Variants in CHRM2 observed in about 807,000 individuals in gnomAD.
CHRM2 encodes cholinergic receptor muscarinic 2.
Under a neutral mutation model 25.0 loss-of-function variants are expected in CHRM2, and 8 were observed. The observed-to-expected ratio is 0.32, with a 90% CI of 0.19 to 0.58. The LOEUF is 0.58. CHRM2 is among the 20% of genes least tolerant of loss of function. CHRM2 has a pLI of 0.88. For synonymous variants in CHRM2, 202 were observed against 205.7 expected (o/e 0.98, Z 0.15); for missense variants, 440 against 567.1 (o/e 0.78, Z 2.28).
Position 137,001,661 on chromosome 7 carries a change from T to G in CHRM2, c.-47+9397T>G, listed in dbSNP as rs148591818. Among the ~76,000 whole-genome samples, 110 of 152,254 alleles carry G rather than the reference T, an allele frequency of 7.2e-4. No individual in the cohort carries two copies. In the Middle Eastern group the frequency reaches 0.017, roughly 24 times the overall value. ...TGGAGAGGGCCTTCTCAGCAGGTTG[T>G]GGGGGGCTATCTCATCACCAAAGGA... On this transcript the variant is annotated intron_variant, in intron 3 of 3. Transcript: ENST00000680005.
rs147230678 is a variant in CHRM2, at chr7:136,989,068, A to C, written c.-124-3119A>C. ...AAATTAAAGCTTTAGAGGTTTTATAACTTGCTAAAAGTCACATCAAAAGTG... is the reference window on the plus strand; with the variant it reads ...AAATTAAAGCTTTAGAGGTTTTATACCTTGCTAAAAGTCACATCAAAAGTG... On this transcript the variant is annotated intron_variant, in intron 2 of 3. Transcript: ENST00000680005. 2.4e-3 allele frequency among the ~76,000 whole-genome samples: 369 copies of C among 152,158 alleles called. 5 individuals are homozygous for C. The highest frequency in any genetic ancestry group is 8.3e-3 in the African/African-American group (345 of 41,546).
intron 2 of CHRM2, chr7:136,902,956 C>T (rs982713936): frequency 3.4e-5 from 12 of 356,278 alleles, no homozygotes; most frequent in African/African-American, 2.6e-4. Flanking sequence ...TTTTCATTAT[C>T]AAACAAACAA....
At chr7:136,985,174 C>T (rs1802765030) in intron 2 of CHRM2, among the ~76,000 whole-genome samples, 1 of 152,058 alleles carries the variant, frequency 6.6e-6, no homozygotes, top group African/African-American at 2.4e-5. Flanking sequence ...ATATGCATTC[C>T]AGCCATATTA....
Position 136,906,208 on chromosome 7 carries a change from C to A in CHRM2, c.-125+36790C>A, listed in dbSNP as rs192551695. Among the ~76,000 whole-genome samples, 3 of 149,020 alleles carry A rather than the reference C, an allele frequency of 2.0e-5. No homozygotes were observed. The Admixed American group carries it at 2.0e-4, about 10-fold the overall frequency. On this transcript the variant is annotated intron_variant, in intron 2 of 3. Coordinates refer to ENST00000680005, the MANE Select transcript of CHRM2 (RefSeq NM_001006630.2). ...GTATGTATATACGTATATATATATA[C>A]GCACACATATATATGGTTTGTATGT...
intron 2 of CHRM2, among the ~76,000 whole-genome samples, chr7:136,934,859 CAA>C (rs34883311): frequency 0.25 from 36,277 of 146,448 alleles, 5,615 homozygotes; most frequent in Non-Finnish European, 0.35. Flanking sequence ...TGAAAATAAC[CAA>C]AAAAAAAAAT....
At chr7:136,993,708 AG>A (rs1407977823) in intron 3 of CHRM2, among the ~76,000 whole-genome samples, 9 of 152,196 alleles carry the variant, frequency 5.9e-5, no homozygotes, top group Non-Finnish European at 8.8e-5. Context: ...AGTAAAGAAA[AG>A]CTTTTACATA....
intron 2 of CHRM2, among the ~76,000 whole-genome samples, chr7:136,985,930 T>C (rs1466230643): frequency 3.3e-5 from 5 of 152,168 alleles, no homozygotes. Context: ...GCAAACAAAA[T>C]CTTCTAATAG....
At chr7:136,953,777 A>G (rs1380575444) in intron 2 of CHRM2, among the ~76,000 whole-genome samples, 2 of 152,208 alleles carry the variant, frequency 1.3e-5, no homozygotes, top group East Asian at 3.9e-4. Context: ...GCACAACAGG[A>G]GAAGGCAATG....
At chr7:136,936,621 G>A (rs1298622470) in intron 2 of CHRM2, among the ~76,000 whole-genome samples, 1 of 152,114 alleles carries the variant, frequency 6.6e-6, no homozygotes, top group Non-Finnish European at 1.5e-5. Context: ...TCTGAGTTTT[G>A]TATATGCTTA....
intron 2 of CHRM2, among the ~76,000 whole-genome samples, chr7:136,916,793 A>G (rs1372878231): frequency 1.3e-5 from 2 of 151,554 alleles, no homozygotes; most frequent in Admixed American, 6.6e-5. Context: ...AAAATTTAGT[A>G]TTGGGAACAT....
chr7:136,963,740 G>A (rs1801240460), intron 2 of CHRM2, among the ~76,000 whole-genome samples: 1 of 152,090 alleles, frequency 6.6e-6, no homozygotes. Context: ...AGGTCCCACT[G>A]TGGAGCATTT....
At chr7:136,958,636 C>G (rs751295768) in intron 2 of CHRM2, among the ~76,000 whole-genome samples, 8 of 151,432 alleles carry the variant, frequency 5.3e-5, no homozygotes, top group Non-Finnish European at 1.0e-4. Flanking sequence ...TTTGTATTTT[C>G]TATAGAGATG....
At chr7:136,965,735 G>C (rs1055234514) in intron 2 of CHRM2, among the ~76,000 whole-genome samples, 1 of 151,972 alleles carries the variant, frequency 6.6e-6, no homozygotes, top group Non-Finnish European at 1.5e-5. Context: ...CCAGTGGTTG[G>C]CTGCAAAAGC....
rs1799981760 is a variant in CHRM2, at chr7:136,944,891, CACCACATCCAT to C, written c.-124-47291_-124-47281del. On this transcript the variant is annotated intron_variant, in intron 2 of 3. Coordinates refer to ENST00000680005, the MANE Select transcript of CHRM2 (RefSeq NM_001006630.2). ...ACCAGCAGTGTAAAAGTTTTCTTTTCACCACATCCATACCAACATCTTTTTTTTACCTTTTT... is the reference window on the plus strand; with the variant it reads ...ACCAGCAGTGTAAAAGTTTTCTTTTCACCAACATCTTTTTTTTACCTTTTT... Among the ~76,000 whole-genome samples, 4 of 152,110 alleles carry C rather than the reference CACCACATCCAT, an allele frequency of 2.6e-5. No individual in the cohort carries two copies. The South Asian group carries it at 8.3e-4, about 32-fold the overall frequency.
At chr7:136,963,409 A>G (rs1801219482) in intron 2 of CHRM2, among the ~76,000 whole-genome samples, 1 of 152,206 alleles carries the variant, frequency 6.6e-6, no homozygotes, top group African/African-American at 2.4e-5. Flanking sequence ...AAATCAAAGC[A>G]GTAAAGCACT....
intron 2 of CHRM2, among the ~76,000 whole-genome samples, chr7:136,921,367 C>A (rs1263352705): frequency 6.6e-6 from 1 of 152,120 alleles, no homozygotes; most frequent in Non-Finnish European, 1.5e-5. Context: ...TTTCAATCAT[C>A]CAAACCCGGA....
chr7:136,915,348 G>A (rs1032372453), intron 2 of CHRM2, among the ~76,000 whole-genome samples: 5 of 151,810 alleles, frequency 3.3e-5, no homozygotes, highest in Non-Finnish European at 5.9e-5. Flanking sequence ...GATTGTTACT[G>A]CATAATTTAC....
rs1304452598 is a variant in CHRM2, at chr7:137,014,841, T to C, written c.-25T>C. On this transcript the variant is annotated 5_prime_UTR_variant, in exon 4 of 4. Coordinates refer to ENST00000680005, the MANE Select transcript of CHRM2 (RefSeq NM_001006630.2). ...GCAGGTTTAAATGTTTATTTGCTAC[T>C]TGGCTACTGATTAGAGAACGCAAAA... is the stretch of plus-strand genomic sequence containing the variant. The C allele has an allele frequency of 6.3e-7, 1 of 1,599,112 alleles. No individual in the cohort carries two copies. The highest frequency in any genetic ancestry group is 1.3e-5 in the African/African-American group (1 of 74,704).
chr7:136,997,393 G>A (rs948064004), intron 3 of CHRM2, among the ~76,000 whole-genome samples: 6 of 152,124 alleles, frequency 3.9e-5, no homozygotes, highest in African/African-American at 1.2e-4. Context: ...CAGGTAAAGT[G>A]GATGGCCCTT....
Sources: gnomAD v4.1 joint callset for allele counts (sites outside exome capture counted in the v4.1 genomes callset) on GRCh38, gnomAD v4.1.1 for gene constraint, MANE v1.5 for transcripts, NCBI Gene and HGNC (gene_info 2026-07-23, HGNC 2026-07-21) for gene names.